Variants in SAMD5 observed in about 807,000 individuals in gnomAD.
SAMD5 encodes the protein sterile alpha motif domain containing 5, also known as sterile alpha motif domain-containing protein 5.
Under a neutral mutation model 11.3 loss-of-function variants are expected in SAMD5, and 13 were observed. The ratio of observed to expected loss-of-function variants is 1.15; its 90% CI spans 0.75 to 1.83. The LOEUF is 1.83. SAMD5 is among the 40% of genes most tolerant of loss of function. The pLI is 0.00. For missense variants in SAMD5, 255 were observed against 239.1 expected, an observed-to-expected ratio of 1.07 and a Z score of -0.44; for synonymous variants, 129 against 111.3, an observed-to-expected ratio of 1.16 and a Z score of -1.00.
the SAMD5 span, among the ~76,000 whole-genome samples, chr6:147,846,602 T>C: frequency 2.0e-5 from 3 of 152,108 alleles, no homozygotes; most frequent in Non-Finnish European, 4.4e-5. Flanking sequence ...GGGAGATCAC[T>C]TGAGGTGAGG....
chr6:147,869,882 G>T, the SAMD5 span, among the ~76,000 whole-genome samples: 1 of 151,868 alleles, frequency 6.6e-6, no homozygotes, highest in African/African-American at 2.4e-5. Flanking sequence ...TTTGTTGTTT[G>T]TTTGTTTTAG....
chr6:147,779,497 C>CT, the SAMD5 span, among the ~76,000 whole-genome samples: 4,519 of 140,840 alleles, frequency 0.032, 184 homozygotes, highest in African/African-American at 0.087. Context: ...TGAAGTCATC[C>CT]TTTTTTTTTT....
the SAMD5 span, among the ~76,000 whole-genome samples, chr6:147,771,677 A>G: frequency 1.3e-5 from 2 of 152,098 alleles, no homozygotes; most frequent in Non-Finnish European, 2.9e-5. Flanking sequence ...CTCATCACCA[A>G]ACATTCTAGA....
At chr6:147,728,939 A>T (rs1288818047) in intron 1 of SAMD5, among the ~76,000 whole-genome samples, 3 of 152,236 alleles carry the variant, frequency 2.0e-5, no homozygotes, top group African/African-American at 4.8e-5. Flanking sequence ...TGATTGTGCA[A>T]GGCTGTATTC....
At chr6:147,730,175 G>A (rs953037347) in intron 1 of SAMD5, 14 of 413,990 alleles carry the variant, frequency 3.4e-5, no homozygotes, top group Non-Finnish European at 6.5e-5. Flanking sequence ...TCGGGAAAGA[G>A]CCTTGGGGGC....
the SAMD5 span, among the ~76,000 whole-genome samples, chr6:147,867,866 AAAAC>A: frequency 6.6e-6 from 1 of 152,200 alleles, no homozygotes; most frequent in African/African-American, 2.4e-5. Context: ...CCTTATTGCT[AAAAC>A]AAACAAACAA....
chr6:147,532,281 C>T (rs115953860), intron 1 of SAMD5, among the ~76,000 whole-genome samples: 2,513 of 152,102 alleles, frequency 0.017, 70 homozygotes, highest in African/African-American at 0.057. Flanking sequence ...ATCCCTCACT[C>T]ACTCCCTCCC....
intron 1 of SAMD5, among the ~76,000 whole-genome samples, chr6:147,638,608 G>C (rs1790266567): frequency 6.6e-6 from 1 of 152,150 alleles, no homozygotes; most frequent in South Asian, 2.1e-4. Context: ...GCATTATTTT[G>C]AGATGTGTGG....
chr6:147,620,988 G>GTGCGCGCGCGCACA (rs1789953506), intron 1 of SAMD5, among the ~76,000 whole-genome samples: 1 of 52,542 alleles, frequency 1.9e-5, no homozygotes. Flanking sequence ...GTGTGTGTGT[G>GTGCGCGCGCGCACA]TGCGCGCGCG....
the SAMD5 span, among the ~76,000 whole-genome samples, chr6:147,849,718 G>A: frequency 2.0e-5 from 3 of 152,214 alleles, no homozygotes; most frequent in Non-Finnish European, 2.9e-5. Flanking sequence ...CCGAGGGCAC[G>A]TTCACAATCA....
chr6:147,566,332 T>A lies in SAMD5; in HGVS notation c.*1876T>A. 1.0e-6 allele frequency: 1 copy of A among 979,688 alleles called. No individual in the cohort carries two copies. Among genetic ancestry groups the A allele is most frequent in the African/African-American group, 1.7e-5 (1 of 57,190 alleles). 60.7% of individuals were successfully genotyped at this position (979,688 alleles called of 1,614,324 possible). A position where few individuals can be genotyped will look rare whatever the true frequency, so the allele number is the denominator to read the frequency against. Reference sequence around the variant, plus strand: ...AACTAGGGTCTTTAAAATTCCTAAGTAGATTCTTTTGAGTGGTAGGGGAGT... The same window carrying A: ...AACTAGGGTCTTTAAAATTCCTAAGAAGATTCTTTTGAGTGGTAGGGGAGT... On this transcript the variant is annotated 3_prime_UTR_variant, in exon 2 of 2. Transcript: ENST00000367474.
the SAMD5 span, among the ~76,000 whole-genome samples, chr6:147,872,733 T>A: frequency 6.6e-6 from 1 of 152,004 alleles, no homozygotes; most frequent in Non-Finnish European, 1.5e-5. Context: ...AAAATCCCTT[T>A]CCCATCACCT....
At chr6:147,636,426 A>G (rs972574970) in intron 1 of SAMD5, among the ~76,000 whole-genome samples, 9 of 152,254 alleles carry the variant, frequency 5.9e-5, no homozygotes, top group African/African-American at 2.2e-4. Context: ...TTGAGAAATT[A>G]GAATCTCTCC....
At chr6:147,729,784 G>A (rs974055148) in intron 1 of SAMD5, 4 of 456,970 alleles carry the variant, frequency 8.8e-6, no homozygotes, top group African/African-American at 8.0e-5. Flanking sequence ...TGCCTGATGT[G>A]TTCAAGAAAC....
At chr6:147,715,007 C>T (rs559950771) in intron 1 of SAMD5, among the ~76,000 whole-genome samples, 6 of 152,306 alleles carry the variant, frequency 3.9e-5, no homozygotes, top group African/African-American at 1.2e-4. Context: ...GGCATATATA[C>T]ATGAAACTGT....
intron 1 of SAMD5, among the ~76,000 whole-genome samples, chr6:147,666,283 G>A (rs186841211): frequency 6.0e-5 from 9 of 149,108 alleles, no homozygotes; most frequent in Non-Finnish European, 1.2e-4. Flanking sequence ...TGGTAAATTT[G>A]TCTTACTCTG....
chr6:147,573,285 CA>C (rs373187549), downstream of SAMD5, among the ~76,000 whole-genome samples: 488 of 152,298 alleles, frequency 3.2e-3, 2 homozygotes, highest in African/African-American at 0.011. Context: ...CTCACAGTTC[CA>C]CATGGCTGGG....
chr6:147,533,436 T>C (rs1362393433), intron 1 of SAMD5, among the ~76,000 whole-genome samples: 4 of 126,990 alleles, frequency 3.1e-5, no homozygotes. Context: ...CACTCCAGCC[T>C]GGGCAACAAG....
At chr6:147,604,987 A>C (rs1291946729) in intron 1 of SAMD5, among the ~76,000 whole-genome samples, 2 of 152,238 alleles carry the variant, frequency 1.3e-5, no homozygotes, top group East Asian at 3.8e-4. Flanking sequence ...GGATAATCAG[A>C]GCCTTGACCA....
Sources: gnomAD v4.1 joint callset for allele counts (sites outside exome capture counted in the v4.1 genomes callset) on GRCh38, gnomAD v4.1.1 for gene constraint, MANE v1.5 for transcripts, NCBI Gene and HGNC (gene_info 2026-07-23, HGNC 2026-07-21) for gene names.